The following XKR9 variants were observed in gnomAD, a reference collection of about 807,000 sequenced individuals.
XKR9 encodes the protein XK related 9.
In XKR9, 32 loss-of-function variants were observed where a neutral mutation model predicts 32.0. The observed-to-expected ratio is 1.00, with a 90% CI of 0.76 to 1.34. XKR9 has a LOEUF of 1.34. XKR9 is among the 40% of genes most tolerant of loss of function. XKR9 has a pLI of 0.00. For missense variants in XKR9, 546 were observed against 429.7 expected (o/e 1.27, Z -2.39); for synonymous variants, 168 against 143.4 (o/e 1.17, Z -1.22).
chr8:70,868,307 C>T, the XKR9 span, among the ~76,000 whole-genome samples: 1 of 152,070 alleles, frequency 6.6e-6, no homozygotes, highest in Non-Finnish European at 1.5e-5. Flanking sequence ...TCTGCACTTC[C>T]CTAGCAGAGG....
the XKR9 span, among the ~76,000 whole-genome samples, chr8:70,828,205 A>G: frequency 6.6e-6 from 1 of 152,214 alleles, no homozygotes; most frequent in Non-Finnish European, 1.5e-5. Flanking sequence ...TGCCCTTTTA[A>G]GGGTTTCAAA....
chr8:70,697,962 T>A (rs1805350536), intron 3 of XKR9, among the ~76,000 whole-genome samples: 1 of 152,116 alleles, frequency 6.6e-6, no homozygotes, highest in Non-Finnish European at 1.5e-5. Context: ...ATTTTCTAGT[T>A]TATTTGTGTA....
chr8:70,773,202 T>G (rs1807476633), intron 2 of XKR9, among the ~76,000 whole-genome samples: 1 of 152,134 alleles, frequency 6.6e-6, no homozygotes, highest in Non-Finnish European at 1.5e-5. Flanking sequence ...AGTTTACAAG[T>G]GTCTTTGAGG....
At chr8:70,827,297 TAGGC>T in the XKR9 span, among the ~76,000 whole-genome samples, 1 of 152,154 alleles carries the variant, frequency 6.6e-6, no homozygotes, top group Non-Finnish European at 1.5e-5. Context: ...AGAAAACTGA[TAGGC>T]AGGGAAGAAA....
At chr8:70,752,361 G>A (rs1381676912) in intron 2 of XKR9, among the ~76,000 whole-genome samples, 1 of 152,158 alleles carries the variant, frequency 6.6e-6, no homozygotes, top group Non-Finnish European at 1.5e-5. Flanking sequence ...TTAGAGGCTG[G>A]GTGGTTCAAG....
At chr8:70,694,504 G>A (rs538058011) in intron 3 of XKR9, among the ~76,000 whole-genome samples, 1 of 152,298 alleles carries the variant, frequency 6.6e-6, no homozygotes, top group East Asian at 1.9e-4. Flanking sequence ...ATGGGATCAG[G>A]TACCTGCTTA....
At chr8:71,064,944 C>T in the XKR9 span, among the ~76,000 whole-genome samples, 3 of 152,242 alleles carry the variant, frequency 2.0e-5, no homozygotes, top group Admixed American at 2.0e-4. Flanking sequence ...TGGGAAAGAG[C>T]TCTAGAGTAT....
the XKR9 span, among the ~76,000 whole-genome samples, chr8:71,036,452 A>G: frequency 6.6e-5 from 10 of 152,026 alleles, no homozygotes; most frequent in Non-Finnish European, 1.5e-4. Flanking sequence ...AGAGTGTTAG[A>G]AAAAAAACCT....
chr8:70,874,397 T>A, the XKR9 span, among the ~76,000 whole-genome samples: 2 of 152,234 alleles, frequency 1.3e-5, no homozygotes, highest in Non-Finnish European at 2.9e-5. Flanking sequence ...AAGCCTTGAA[T>A]ACTCTGATAT....
chr8:70,741,253 G>T (rs920712726), intron 2 of XKR9, among the ~76,000 whole-genome samples: 3 of 152,160 alleles, frequency 2.0e-5, no homozygotes, highest in African/African-American at 7.2e-5. Context: ...TCCATGATGG[G>T]ACTGGTGGTT....
chr8:70,688,373 G>A (rs1263635415), intron 3 of XKR9, among the ~76,000 whole-genome samples: 1 of 152,076 alleles, frequency 6.6e-6, no homozygotes, highest in Non-Finnish European at 1.5e-5. Flanking sequence ...AAACCACAAG[G>A]GCGATAAACG....
chr8:70,722,349 C>G (rs1806311393), intron 4 of XKR9, among the ~76,000 whole-genome samples: 1 of 152,118 alleles, frequency 6.6e-6, no homozygotes, highest in South Asian at 2.1e-4. Context: ...ATGATGCTAG[C>G]TGGTTATTTT....
At chr8:70,774,032 A>G (rs1178107646) in intron 2 of XKR9, among the ~76,000 whole-genome samples, 1 of 152,180 alleles carries the variant, frequency 6.6e-6, no homozygotes, top group African/African-American at 2.4e-5. Flanking sequence ...CAGAACATCC[A>G]TCCCTTCCTT....
the XKR9 span, among the ~76,000 whole-genome samples, chr8:70,920,368 C>T: frequency 2.0e-5 from 3 of 151,876 alleles, no homozygotes; most frequent in African/African-American, 7.3e-5. Context: ...ATATAAAACC[C>T]CTCCTTACAA....
intron 2 of XKR9, among the ~76,000 whole-genome samples, chr8:70,782,282 G>A (rs1276454407): frequency 6.6e-6 from 1 of 152,020 alleles, no homozygotes; most frequent in Non-Finnish European, 1.5e-5. Flanking sequence ...ATTGTAAATT[G>A]ACAATTTATA....
At chr8:71,005,113 A>G in the XKR9 span, among the ~76,000 whole-genome samples, 1 of 144,240 alleles carries the variant, frequency 6.9e-6, no homozygotes, top group Admixed American at 7.3e-5. Context: ...TTACAGGTAT[A>G]AGCCACTGTG....
At chr8:70,887,456 G>A in the XKR9 span, among the ~76,000 whole-genome samples, 3 of 151,798 alleles carry the variant, frequency 2.0e-5, no homozygotes, top group African/African-American at 4.8e-5. Flanking sequence ...TTCTAATTCC[G>A]TGAAGAAACT....
intron 4 of XKR9, among the ~76,000 whole-genome samples, chr8:70,725,303 C>G (rs973962737): frequency 6.6e-6 from 1 of 151,964 alleles, no homozygotes; most frequent in Non-Finnish European, 1.5e-5. Context: ...TGTGATGTTG[C>G]TCTTTTGGGT....
the XKR9 span, among the ~76,000 whole-genome samples, chr8:70,891,928 CT>C: frequency 6.6e-6 from 1 of 151,906 alleles, no homozygotes; most frequent in Non-Finnish European, 1.5e-5. Flanking sequence ...CTTTATATAC[CT>C]GAGTGCTGTG....
Sources: allele counts gnomAD v4.1 joint callset (sites outside exome capture counted in the v4.1 genomes callset), GRCh38; gene constraint gnomAD v4.1.1; transcripts MANE v1.5; gene names NCBI Gene and HGNC (gene_info 2026-07-23, HGNC 2026-07-21).